RGS6: variants seen among roughly 807,000 people sequenced by gnomAD.
RGS6 encodes the protein regulator of G protein signaling 6, also known as regulator of G-protein signaling 6.
In RGS6, 30 loss-of-function variants were observed where a neutral mutation model predicts 78.5. That is an observed-to-expected ratio of 0.38 (90% CI 0.29 to 0.52). The LOEUF (loss-of-function observed/expected upper bound fraction) is 0.52. Ranked by LOEUF, RGS6 falls within the 20% of genes least tolerant of loss-of-function variation. The pLI is 0.85. For missense variants in RGS6, 495 were observed against 609.7 expected (o/e 0.81, Z 1.98); for synonymous variants, 206 against 206.0 (o/e 1.00, Z 0.00).
intron 11 of RGS6, chr14:72,477,171 A>G (rs2096260395): frequency 1.1e-5 from 3 of 264,206 alleles, no homozygotes; most frequent in Non-Finnish European, 2.2e-5. Flanking sequence ...AGTCCTTATA[A>G]TTGGAATGCA....
chr14:72,342,525 A>G (rs1270165836), intron 2 of RGS6, among the ~76,000 whole-genome samples: 2 of 149,218 alleles, frequency 1.3e-5, no homozygotes, highest in Non-Finnish European at 3.0e-5. Flanking sequence ...AGGCCACTGT[A>G]CTCTAGCCTG....
chr14:72,372,311 C>T (rs2083669943), intron 3 of RGS6, among the ~76,000 whole-genome samples: 1 of 152,166 alleles, frequency 6.6e-6, no homozygotes, highest in Admixed American at 6.5e-5. Flanking sequence ...ATTCTACCAT[C>T]AGTTGCAGCC....
intron 3 of RGS6, among the ~76,000 whole-genome samples, chr14:72,386,259 C>T (rs932342917): frequency 3.3e-5 from 5 of 152,002 alleles, no homozygotes; most frequent in Middle Eastern, 3.2e-3. Flanking sequence ...TTTGGGGGGC[C>T]GGGTGTGGTG....
At chr14:72,298,819 C>G (rs188226094) in intron 2 of RGS6, among the ~76,000 whole-genome samples, 17 of 152,286 alleles carry the variant, frequency 1.1e-4, no homozygotes, top group Non-Finnish European at 8.8e-5. Context: ...GAAATGTTCT[C>G]TCCTCTGTTT....
chr14:72,214,196 A>G (rs1332670657), intron 2 of RGS6, among the ~76,000 whole-genome samples: 1 of 132,020 alleles, frequency 7.6e-6, no homozygotes, highest in Non-Finnish European at 1.6e-5. Context: ...TTTTTTTTTC[A>G]CTGGGGTCTC....
At chr14:72,036,429 G>A (rs1229852366) in intron 2 of RGS6, among the ~76,000 whole-genome samples, 1 of 152,068 alleles carries the variant, frequency 6.6e-6, no homozygotes, top group Non-Finnish European at 1.5e-5. Context: ...CTAGAAGTAA[G>A]GTTGCTGAGT....
the RGS6 span, among the ~76,000 whole-genome samples, chr14:72,599,575 ATTTT>A: frequency 1.9e-5 from 2 of 103,256 alleles, no homozygotes; most frequent in Non-Finnish European, 3.7e-5. Context: ...CGCCTGGCTA[ATTTT>A]TTTTTTTTTT....
chr14:71,982,756 C>A (rs937189157), intron 2 of RGS6, among the ~76,000 whole-genome samples: 1 of 152,224 alleles, frequency 6.6e-6, no homozygotes. Flanking sequence ...TTTCTTCTTT[C>A]AGGTCATGGC....
chr14:72,540,640 G>A (rs757083310), intron 17 of RGS6: 44 of 1,424,500 alleles, frequency 3.1e-5, no homozygotes, highest in Middle Eastern at 3.8e-4. Context: ...CCTAGCTGGC[G>A]TGTGTGTTAG....
At chr14:72,554,430 G>A (rs1214329643) in intron 17 of RGS6, among the ~76,000 whole-genome samples, 1 of 152,198 alleles carries the variant, frequency 6.6e-6, no homozygotes, top group Non-Finnish European at 1.5e-5. Context: ...TCATAGTCAA[G>A]GGTTACTTGA....
intron 15 of RGS6, among the ~76,000 whole-genome samples, chr14:72,535,514 T>C (rs147447796): frequency 4.6e-5 from 7 of 152,240 alleles, no homozygotes; most frequent in Admixed American, 3.9e-4. Context: ...ACAGCCATGA[T>C]ACTGACATGG....
chr14:72,444,882 C>CCACCTGTTCAACCCTGGGGAGA (rs1190162599), intron 3 of RGS6, among the ~76,000 whole-genome samples: 15 of 152,132 alleles, frequency 9.9e-5, no homozygotes, highest in East Asian at 3.9e-4. Context: ...TGTTCAAGAC[C>CCACCTGTTCAACCCTGGGGAGA]ACGTCAGAAT....
At chr14:72,291,759 A>G (rs1420964572) in intron 2 of RGS6, among the ~76,000 whole-genome samples, 2 of 152,168 alleles carry the variant, frequency 1.3e-5, no homozygotes, top group Non-Finnish European at 2.9e-5. Context: ...TCACATCACA[A>G]TAGCAAATTT....
chr14:71,893,345 G>A, the RGS6 span, among the ~76,000 whole-genome samples: 1 of 152,158 alleles, frequency 6.6e-6, no homozygotes, highest in Non-Finnish European at 1.5e-5. Flanking sequence ...CAGGATATAA[G>A]GATTCTGCAG....
chr14:72,206,600 G>A (rs545695055), intron 2 of RGS6, among the ~76,000 whole-genome samples: 1 of 152,224 alleles, frequency 6.6e-6, no homozygotes, highest in East Asian at 1.9e-4. Context: ...AGTCATGGCG[G>A]GAGGAAAGGA....
intron 2 of RGS6, among the ~76,000 whole-genome samples, chr14:72,061,025 A>G (rs1392777981): frequency 6.6e-6 from 1 of 152,156 alleles, no homozygotes; most frequent in African/African-American, 2.4e-5. Context: ...AAAGGCTGCA[A>G]ATATTCTGGC....
chr14:72,523,532 G>T lies in RGS6; in HGVS notation c.1278+4995G>T, dbSNP rs12586666. On this transcript the variant is annotated intron_variant, in intron 15 of 17. Transcript: ENST00000553525. ...GATTCACTGGAAGCAGGGACTGGGG[G>T]TGGGGTGCAGCCTCTCTCCAATGGG... is the stretch of plus-strand genomic sequence containing the variant. Among the ~76,000 whole-genome samples the T allele has an allele frequency of 5.3e-5, 8 of 152,282 alleles. No homozygotes were observed. The East Asian group carries it at 1.4e-3, about 26-fold the overall frequency.
chr14:72,412,933 C>G (rs928704342), intron 3 of RGS6, among the ~76,000 whole-genome samples: 27 of 152,112 alleles, frequency 1.8e-4, no homozygotes, highest in South Asian at 8.3e-4. Context: ...GTGTGAGAGA[C>G]AGTTTGTTAT....
chr14:72,016,840 G>T (rs2087110848), intron 2 of RGS6, among the ~76,000 whole-genome samples: 1 of 152,112 alleles, frequency 6.6e-6, no homozygotes, highest in Non-Finnish European at 1.5e-5. Flanking sequence ...GCCCTATTGG[G>T]CTTTTGTTGG....
Sources: allele counts gnomAD v4.1 joint callset (sites outside exome capture counted in the v4.1 genomes callset), GRCh38; gene constraint gnomAD v4.1.1; transcripts MANE v1.5; gene names NCBI Gene and HGNC (gene_info 2026-07-23, HGNC 2026-07-21).